PRPF18: variants seen among roughly 807,000 people sequenced by gnomAD.
PRPF18 encodes pre-mRNA processing factor 18.
Under a neutral mutation model 46.5 loss-of-function variants are expected in PRPF18, and 38 were observed. The ratio of observed to expected loss-of-function variants is 0.82; its 90% CI spans 0.63 to 1.07. The LOEUF is 1.07. Among genes scored for constraint, PRPF18 ranks in the 50% least tolerant of loss-of-function variants. The pLI is 0.00. For missense variants in PRPF18, 263 were observed against 410.0 expected (o/e 0.64, Z 3.10); for synonymous variants, 152 against 146.7 (o/e 1.04, Z -0.26).
At chr10:13,597,154 T>A (rs2080047198) in intron 1 of PRPF18, among the ~76,000 whole-genome samples, 1 of 152,186 alleles carries the variant, frequency 6.6e-6, no homozygotes, top group Non-Finnish European at 1.5e-5. Flanking sequence ...ACTCAGACAT[T>A]AAGAAGTGAA....
chr10:13,594,941 T>C (rs549349464), intron 1 of PRPF18, among the ~76,000 whole-genome samples: 4 of 152,370 alleles, frequency 2.6e-5, no homozygotes, highest in African/African-American at 9.6e-5. Context: ...TTTATACATT[T>C]TATTTTTTCA....
At chr10:13,604,783 A>G (rs2080161428) in intron 3 of PRPF18, among the ~76,000 whole-genome samples, 1 of 152,224 alleles carries the variant, frequency 6.6e-6, no homozygotes, top group African/African-American at 2.4e-5. Flanking sequence ...TAAAAGAATA[A>G]ACAGATTACT....
At chr10:13,611,828 T>G (rs749987328) in intron 6 of PRPF18, 145 bp downstream of exon 6, 133 of 637,000 alleles carry the variant, frequency 2.1e-4, no homozygotes, top group Middle Eastern at 7.7e-4. Context: ...GATATCACTA[T>G]GCACTTGATG....
chr10:13,650,407 CATGAGCATGAACTCGTGTATGT>C, the PRPF18 span, among the ~76,000 whole-genome samples: 919 of 152,244 alleles, frequency 6.0e-3, 12 homozygotes, highest in African/African-American at 0.021. Flanking sequence ...CACATGTATG[CATGAGCATGAACTCGTGTATGT>C]ATTCGTGTAT....
intron 9 of PRPF18, among the ~76,000 whole-genome samples, chr10:13,622,298 A>G (rs963597168): frequency 6.6e-6 from 1 of 152,264 alleles, no homozygotes; most frequent in South Asian, 2.1e-4. Context: ...TTAATGTCAT[A>G]GAACACTAGC....
At chr10:13,617,049 C>T (rs138855887) in intron 9 of PRPF18, among the ~76,000 whole-genome samples, 43 of 152,202 alleles carry the variant, frequency 2.8e-4, no homozygotes, top group East Asian at 2.3e-3. Flanking sequence ...TCTAAAGTGC[C>T]GATGGTTTGT....
At chr10:13,615,981 G>A (rs568306114) in intron 8 of PRPF18, among the ~76,000 whole-genome samples, 4 of 152,228 alleles carry the variant, frequency 2.6e-5, no homozygotes, top group African/African-American at 4.8e-5. Context: ...AGGGTTGGAC[G>A]ATGAAAAACT....
chr10:13,595,084 C>T (rs1427366681), intron 1 of PRPF18, among the ~76,000 whole-genome samples: 3 of 152,164 alleles, frequency 2.0e-5, no homozygotes, highest in Admixed American at 6.5e-5. Context: ...GTGAAGAATA[C>T]AGTTTGAAGG....
the PRPF18 span, chr10:13,639,470 T>C: frequency 1.3e-5 from 2 of 152,194 alleles, no homozygotes; most frequent in Non-Finnish European, 2.9e-5. Flanking sequence ...TGACTTGTTA[T>C]TACTACAGTT....
intron 1 of PRPF18, chr10:13,591,818 C>T: frequency 6.9e-7 from 1 of 1,442,258 alleles, no homozygotes; most frequent in South Asian, 1.1e-5. Flanking sequence ...AAGCCACTAG[C>T]CAGGTGCTTC....
intron 8 of PRPF18, 102 bp downstream of exon 8, chr10:13,614,188 A>T: frequency 1.1e-6 from 1 of 913,146 alleles, no homozygotes; most frequent in Non-Finnish European, 1.6e-6. Context: ...TAGTAGATTT[A>T]AGAATAAATG....
downstream of PRPF18, among the ~76,000 whole-genome samples, chr10:13,634,221 A>G (rs116028451): frequency 9.1e-3 from 1,384 of 152,336 alleles, 21 homozygotes; most frequent in African/African-American, 0.031. Flanking sequence ...ACTTTATACA[A>G]CTTGCTTAAA....
At chr10:13,623,759 G>T (rs543783628) in intron 9 of PRPF18, among the ~76,000 whole-genome samples, 1 of 152,246 alleles carries the variant, frequency 6.6e-6, no homozygotes, top group African/African-American at 2.4e-5. Flanking sequence ...GTGGATGCAG[G>T]TTGGTTGTTT....
rs150484866 is a variant in PRPF18 at position 13,621,437 on chromosome 10, C to T, written c.948+4884C>T. 7.0e-3 allele frequency among the ~76,000 whole-genome samples: 1,062 copies of T among 152,256 alleles called. 3 individuals carry two copies. Among genetic ancestry groups the T allele is most frequent in the Middle Eastern group, 0.014 (4 of 294 alleles). The stretch of plus-strand genomic sequence containing the variant: ...ACTGCATCCCTCTGCCCGAGGCTGT[C>T]GCTTCTCTCGGGTGGCTGTCTCCAT... On this transcript the variant is annotated intron_variant, in intron 9 of 9. Transcript: ENST00000378572.
chr10:13,619,699 T>G, intron 9 of PRPF18, among the ~76,000 whole-genome samples: 1 of 152,154 alleles, frequency 6.6e-6, no homozygotes, highest in East Asian at 1.9e-4. Context: ...GTAAGAGAAA[T>G]GAGCAATGCA....
At chr10:13,592,600 C>T (rs2079980538) in intron 1 of PRPF18, among the ~76,000 whole-genome samples, 2 of 152,210 alleles carry the variant, frequency 1.3e-5, no homozygotes, top group Non-Finnish European at 2.9e-5. Context: ...CCTCTTACCA[C>T]CTGTCCTAAA....
At chr10:13,652,758 G>C in the PRPF18 span, 6 of 152,254 alleles carry the variant, frequency 3.9e-5, no homozygotes, top group Non-Finnish European at 8.8e-5. Context: ...GTCAAAACTT[G>C]AGTGTGGGTC....
At chr10:13,629,487 A>G (rs1393029023) in intron 9 of PRPF18, among the ~76,000 whole-genome samples, 1 of 152,262 alleles carries the variant, frequency 6.6e-6, no homozygotes, top group Non-Finnish European at 1.5e-5. Context: ...TCTGAAAACC[A>G]TTGAAACAAT....
intron 3 of PRPF18, among the ~76,000 whole-genome samples, chr10:13,601,187 T>C (rs1376943813): frequency 6.6e-6 from 1 of 152,232 alleles, no homozygotes; most frequent in Admixed American, 6.5e-5. Flanking sequence ...TACATAATAA[T>C]GTGTGATTAT....
Sources: allele counts gnomAD v4.1 joint callset (sites outside exome capture counted in the v4.1 genomes callset), GRCh38; gene constraint gnomAD v4.1.1; transcripts MANE v1.5; gene names NCBI Gene and HGNC (gene_info 2026-07-23, HGNC 2026-07-21).